Variants in HIVEP1 observed in about 807,000 individuals in gnomAD.
HIVEP1 encodes the protein zinc finger protein 40.
A neutral mutation model predicts 180.0 loss-of-function variants in HIVEP1; 36 were observed. The observed-to-expected ratio is 0.20, with a 90% CI of 0.15 to 0.26. HIVEP1 has a LOEUF of 0.26. Among genes scored for constraint, HIVEP1 ranks in the 10% least tolerant of loss-of-function variants. The pLI is 1.00. For synonymous variants in HIVEP1, 1,239 were observed against 1,239.0 expected (o/e 1.00, Z 0.00); for missense variants, 3,143 against 3,268.7 (o/e 0.96, Z 0.94).
chr6:12,039,374 A>G (rs1769512595), intron 2 of HIVEP1: 1 of 152,218 alleles, frequency 6.6e-6, no homozygotes, highest in South Asian at 2.1e-4. Context: ...GTAAAGGACA[A>G]TTTACTTAAT....
intron 2 of HIVEP1, among the ~76,000 whole-genome samples, chr6:12,048,731 A>G (rs1019817277): frequency 2.0e-5 from 3 of 152,174 alleles, no homozygotes; most frequent in Admixed American, 6.6e-5. Flanking sequence ...AAATTATTCA[A>G]TCTTTGTGAA....
chr6:12,158,148 CCTT>C (rs1027275288), intron 7 of HIVEP1, among the ~76,000 whole-genome samples: 6 of 152,118 alleles, frequency 3.9e-5, no homozygotes, highest in African/African-American at 1.2e-4. Flanking sequence ...TTTTTTCTTG[CCTT>C]CTTGTATGCC....
chr6:12,018,532 G>C (rs530154522), intron 2 of HIVEP1, among the ~76,000 whole-genome samples: 2 of 152,360 alleles, frequency 1.3e-5, no homozygotes, highest in East Asian at 3.9e-4. Flanking sequence ...AGAGCTGATA[G>C]GTAAACATGT....
intron 2 of HIVEP1, among the ~76,000 whole-genome samples, chr6:12,056,359 A>T (rs1397801508): frequency 6.6e-6 from 1 of 152,216 alleles, no homozygotes; most frequent in African/African-American, 2.4e-5. Flanking sequence ...TATTAATAAT[A>T]ATAATCTGTG....
intron 3 of HIVEP1, among the ~76,000 whole-genome samples, chr6:12,099,551 C>T (rs574406274): frequency 6.6e-6 from 1 of 152,232 alleles, no homozygotes; most frequent in South Asian, 2.1e-4. Flanking sequence ...AACTGTTTAA[C>T]ATGACCCTTA....
rs559742933 is a variant in HIVEP1 at position 12,102,342 on chromosome 6, A to G, written c.94+13105A>G. ...TTCAGGATAGACCATCACCTAGGCC[A>G]TAAAACAGTTGATCATTAAATCAAA... On this transcript the variant is annotated intron_variant, in intron 3 of 8. Transcript: ENST00000379388. Among the ~76,000 whole-genome samples, 11 of 152,330 alleles carry G rather than the reference A, an allele frequency of 7.2e-5. No homozygotes were observed. In the South Asian group the frequency reaches 1.9e-3, roughly 26 times the overall value.
chr6:12,040,490 A>G (rs539732415), intron 2 of HIVEP1, among the ~76,000 whole-genome samples: 1 of 152,262 alleles, frequency 6.6e-6, no homozygotes, highest in East Asian at 1.9e-4. Context: ...AGGCTGTACT[A>G]CTGTTTTGTT....
chr6:12,126,827 T>G (rs983629813), intron 4 of HIVEP1, among the ~76,000 whole-genome samples: 2 of 152,128 alleles, frequency 1.3e-5, no homozygotes, highest in Admixed American at 6.5e-5. Context: ...TCAAATTTTT[T>G]TTAAAAAAAT....
chr6:12,032,343 T>C (rs919754040), intron 2 of HIVEP1, among the ~76,000 whole-genome samples: 10 of 152,078 alleles, frequency 6.6e-5, no homozygotes, highest in South Asian at 6.3e-4. Flanking sequence ...AGGGTTTCAC[T>C]GTGTTAGCCA....
intron 3 of HIVEP1, among the ~76,000 whole-genome samples, chr6:12,111,188 G>GC (rs1774868976): frequency 6.6e-6 from 1 of 152,180 alleles, no homozygotes; most frequent in Non-Finnish European, 1.5e-5. Context: ...TTGAAGTATT[G>GC]CAAGAATTAG....
chr6:12,204,677 A>G, the HIVEP1 span, among the ~76,000 whole-genome samples: 1 of 152,164 alleles, frequency 6.6e-6, no homozygotes, highest in Non-Finnish European at 1.5e-5. Context: ...ACCCATTCAC[A>G]ACTATTTATT....
At chr6:12,042,139 G>T (rs1203918242) in intron 2 of HIVEP1, among the ~76,000 whole-genome samples, 1 of 149,068 alleles carries the variant, frequency 6.7e-6, no homozygotes, top group Admixed American at 6.6e-5. Context: ...GACTGCAGTG[G>T]CGCAATCTCG....
At chr6:12,079,246 C>G (rs907688271) in intron 2 of HIVEP1, among the ~76,000 whole-genome samples, 2 of 152,076 alleles carry the variant, frequency 1.3e-5, no homozygotes, top group Non-Finnish European at 2.9e-5. Context: ...ATCTTTATAA[C>G]AATAGTTTAT....
Position 12,135,999 on chromosome 6 carries a change from A to G in HIVEP1, c.6487+107A>G, listed in dbSNP as rs187899290. The G allele has an allele frequency of 4.2e-4, 260 of 619,122 alleles. 4 individuals are homozygous for G. Among genetic ancestry groups the G allele is most frequent in the Non-Finnish European group, 3.1e-5 (11 of 352,012 alleles). The allele number at this position is 619,122 out of a possible 1,614,324, so 38.4% of individuals were successfully genotyped here. The stretch of plus-strand genomic sequence containing the variant: ...GATTCTGCCTAATTCTGTTTTCATT[A>G]CCTCTTATTTATATGCAGTAGACTC... On this transcript the variant is annotated intron_variant, in intron 7 of 8. Coordinates refer to ENST00000379388, the MANE Select transcript of HIVEP1 (RefSeq NM_002114.4).
intron 2 of HIVEP1, among the ~76,000 whole-genome samples, chr6:12,042,443 C>T (rs540845519): frequency 1.7e-4 from 25 of 150,758 alleles, no homozygotes; most frequent in Non-Finnish European, 3.4e-4. Flanking sequence ...TGCAGTGGCC[C>T]GATCACAGCT....
At chr6:12,134,801 A>G (rs1339693871) in intron 6 of HIVEP1, among the ~76,000 whole-genome samples, 1 of 152,212 alleles carries the variant, frequency 6.6e-6, no homozygotes, top group African/African-American at 2.4e-5. Flanking sequence ...TCATACTTAA[A>G]GAGGTCGATA....
intron 3 of HIVEP1, among the ~76,000 whole-genome samples, chr6:12,099,183 G>GTTTT (rs66482971): frequency 1.4e-5 from 2 of 138,462 alleles, no homozygotes; most frequent in Non-Finnish European, 3.1e-5. Context: ...ATGTCACTGA[G>GTTTT]TTTTTTTTTT....
intron 2 of HIVEP1, among the ~76,000 whole-genome samples, chr6:12,067,794 A>C (rs1256067017): frequency 6.6e-6 from 1 of 152,056 alleles, no homozygotes; most frequent in Non-Finnish European, 1.5e-5. Flanking sequence ...AAGGGAAGGT[A>C]TTAGGTTATG....
Position 12,123,724 on chromosome 6 carries a change from G to C in HIVEP1, c.3929G>C (p.Ser1310Thr). The C allele has an allele frequency of 6.2e-7, 1 of 1,614,136 alleles. No homozygotes were observed. The highest frequency in any genetic ancestry group is 8.5e-7 in the Non-Finnish European group (1 of 1,179,990). The change falls in exon 4 of 9, where the codon AGC (serine) becomes ACC (threonine). Residue 1310 changes from serine to threonine, a missense_variant. By Grantham distance (58) the Ser-to-Thr change is moderately conservative. This residue lies in a region of HIVEP1 where 1,357 missense variants were observed against 1,260.5 expected (regional missense o/e 1.08). Transcript: ENST00000379388. ...CTCTCCAGGAGTCTAAGTAGGGAGA[G>C]CAGTTTATCTCACACTTCAAGTTTC... is the stretch of plus-strand genomic sequence containing the variant. ...STLSRSLSRE[S>T]SLSHTSSFSA...
Sources: allele counts gnomAD v4.1 joint callset (sites outside exome capture counted in the v4.1 genomes callset), GRCh38; gene constraint gnomAD v4.1.1; regional missense constraint gnomAD v4.1.1; transcripts MANE v1.5; gene names NCBI Gene and HGNC (gene_info 2026-07-23, HGNC 2026-07-21).